The following ASB18 variants were observed in gnomAD, a reference collection of about 807,000 sequenced individuals.
ASB18 encodes the protein ankyrin repeat and SOCS box protein 18.
A neutral mutation model predicts 33.4 loss-of-function variants in ASB18; 33 were observed. The ratio of observed to expected loss-of-function variants is 0.99; its 90% CI spans 0.75 to 1.32. The LOEUF (loss-of-function observed/expected upper bound fraction) is 1.32. Among genes scored for constraint, ASB18 ranks in the 40% most tolerant of loss-of-function variants. The probability of loss-of-function intolerance (pLI) is 0.00; values close to 1 mark genes in which losing one functional copy is unlikely to be tolerated. For synonymous variants in ASB18, 295 were observed against 307.6 expected, an observed-to-expected ratio of 0.96 and a Z score of 0.43; for missense variants, 694 against 655.5, an observed-to-expected ratio of 1.06 and a Z score of -0.64.
rs1016785990 is a variant in ASB18, at chr2:236,264,406, C to T, written c.-61G>A. ...TCTTCCTCTAAAGCGACTCCAAAGT[C>T]AGCAGCTGTCCGTGAGAGTGGCGTG... On this transcript the variant is annotated 5_prime_UTR_variant, in exon 1 of 6. Coordinates refer to ENST00000409749, the MANE Select transcript of ASB18 (RefSeq NM_212556.4). The surrounding 1 kb of genome is among the most constrained non-coding windows in gnomAD (Gnocchi z 5.1). 6.8e-6 allele frequency: 10 copies of T among 1,465,984 alleles called. No homozygotes were observed. The African/African-American group carries it at 6.9e-5, about 10-fold the overall frequency. 90.8% of individuals were successfully genotyped at this position (1,465,984 alleles called of 1,614,324 possible). A position where few individuals can be genotyped will look rare whatever the true frequency, so the allele number is the denominator to read the frequency against.
rs796822844 is a variant in ASB18 at position 236,262,986 on chromosome 2, G to A, written c.205+1155C>T. 2.6e-4 allele frequency among the ~76,000 whole-genome samples: 40 copies of A among 152,284 alleles called. 1 individual carries two copies. Among genetic ancestry groups the A allele is most frequent in the African/African-American group, 9.6e-4 (40 of 41,570 alleles). ...AGCAACTCCCACTCATGTCCCATCT[G>A]TGTTCCTCCTGCATGTTGCGCACAC... is the stretch of plus-strand genomic sequence containing the variant. On this transcript the variant is annotated intron_variant, in intron 1 of 5. Transcript: ENST00000409749. This position sits in a 1 kb window ranked among gnomAD's most constrained non-coding sequence, Gnocchi z 5.2.
In ASB18 at chr2:236,214,020, C is replaced by T. The variant is rs76157420; in HGVS notation, c.1101+342G>A. On this transcript the variant is annotated intron_variant, in intron 4 of 5. Transcript: ENST00000409749. This position sits in a 1 kb window ranked among gnomAD's most constrained non-coding sequence, Gnocchi z 6.5. ...ATATTTTGAGCTCTGACTGCATCAT[C>T]GAAATAAGTGCCTGGCGTCCGTCCC... 2.6e-4 allele frequency: 66 copies of T among 258,108 alleles called. No individual in the cohort carries two copies. The East Asian group carries it at 4.0e-3, about 16-fold the overall frequency. The allele number at this position is 258,108 out of a possible 1,614,324, so 16.0% of individuals were successfully genotyped here.
chr2:236,257,975 A>G lies in ASB18; in HGVS notation c.205+6166T>C, dbSNP rs529075177. The stretch of plus-strand genomic sequence containing the variant: ...ACAGCAGGGACTTGCGGCATTGCCA[A>G]TTCCTCCTTCTTTGCCTCCGTGTAG... On this transcript the variant is annotated intron_variant, in intron 1 of 5. Transcript: ENST00000409749. This position sits in a 1 kb window ranked among gnomAD's most constrained non-coding sequence, Gnocchi z 5.5. 3.9e-5 allele frequency among the ~76,000 whole-genome samples: 6 copies of G among 152,278 alleles called. No individual in the cohort carries two copies. The highest frequency in any genetic ancestry group is 2.1e-4 in the South Asian group (1 of 4,818).
At position 236,233,607 on chromosome 2, in the gene ASB18, A is replaced by C. The variant is rs796489102; in HGVS notation, c.596+4082T>G. 2.8e-4 allele frequency among the ~76,000 whole-genome samples: 42 copies of C among 152,306 alleles called. 1 individual carries two copies. The highest frequency in any genetic ancestry group is 9.6e-4 in the African/African-American group (40 of 41,586). ...CAATATACAAAAATAAATTATTATA[A>C]ATTTCATATAGTAGTTACACACAAT... On this transcript the variant is annotated intron_variant, in intron 3 of 5. Transcript: ENST00000409749.
At chr2:236,201,136 CTCCT>C (rs950936523) in intron 4 of ASB18, among the ~76,000 whole-genome samples, 25 of 150,048 alleles carry the variant, frequency 1.7e-4, no homozygotes, top group Admixed American at 4.0e-4. Flanking sequence ...CCTTCCTTCC[CTCCT>C]TCCTTCCTTC....
In ASB18 at chr2:236,193,935, G is replaced by A. The variant is rs768410175; in HGVS notation, c.*937C>T. On this transcript the variant is annotated 3_prime_UTR_variant, in exon 6 of 6. Transcript: ENST00000409749. This position sits in a 1 kb window ranked among gnomAD's most constrained non-coding sequence, Gnocchi z 5.0. ...TTGTCCCAGTGTTGTGTGTGGGTGG[G>A]TGGGTGTGGGGGTGTGTGAGCACCC... Among the ~76,000 whole-genome samples the A allele has an allele frequency of 1.3e-5, 2 of 152,100 alleles. No individual in the cohort carries two copies. The highest frequency in any genetic ancestry group is 2.9e-5 in the Non-Finnish European group (2 of 68,018).
In ASB18 at chr2:236,245,225, T is replaced by C. The variant is rs1168202738; in HGVS notation, c.206-3823A>G. 6.6e-6 allele frequency among the ~76,000 whole-genome samples: 1 copy of C among 152,242 alleles called. No individual in the cohort carries two copies. Among genetic ancestry groups the C allele is most frequent in the African/African-American group, 2.4e-5 (1 of 41,466 alleles). ...AGAAGGGCCCATTGGGCTTAGCTCTTGTGGGGTCAGGGCTAGCTGCCCTTG... is the reference window on the plus strand; with the variant it reads ...AGAAGGGCCCATTGGGCTTAGCTCTCGTGGGGTCAGGGCTAGCTGCCCTTG... On this transcript the variant is annotated intron_variant, in intron 1 of 5. Transcript: ENST00000409749. This position sits in a 1 kb window ranked among gnomAD's most constrained non-coding sequence, Gnocchi z 4.7.
At position 236,215,105 on chromosome 2, in the gene ASB18, TG is replaced by T. The variant is rs1412088133; in HGVS notation, c.597-240del. Among the ~76,000 whole-genome samples, 1 of 151,806 alleles carries T rather than the reference TG, an allele frequency of 6.6e-6. No individual in the cohort carries two copies. Among genetic ancestry groups the T allele is most frequent in the African/African-American group, 2.4e-5 (1 of 41,294 alleles). On this transcript the variant is annotated intron_variant, in intron 3 of 5. Coordinates refer to ENST00000409749, the MANE Select transcript of ASB18 (RefSeq NM_212556.4). This position sits in a 1 kb window ranked among gnomAD's most constrained non-coding sequence, Gnocchi z 7.2. ...AAAGGATATGCCATAAGAATCCACG[TG>T]CAGAGTTACAATTTATAAGGAAATT... is the stretch of plus-strand genomic sequence containing the variant.
Position 236,235,228 on chromosome 2 carries a change from A to T in ASB18, c.596+2461T>A, listed in dbSNP as rs2060582748. Among the ~76,000 whole-genome samples the T allele has an allele frequency of 6.6e-6, 1 of 152,240 alleles. No homozygotes were observed. The highest frequency in any genetic ancestry group is 2.4e-5 in the African/African-American group (1 of 41,462). ...ACATATACAATAGTGGTCCCATAAG[A>T]TTATACTGTACGTTTTCTATGTTTA... On this transcript the variant is annotated intron_variant, in intron 3 of 5. Coordinates refer to ENST00000409749, the MANE Select transcript of ASB18 (RefSeq NM_212556.4). This position sits in a 1 kb window ranked among gnomAD's most constrained non-coding sequence, Gnocchi z 6.2.
rs535234555 is a variant in ASB18 at position 236,220,798 on chromosome 2, C to T, written c.597-5932G>A. ...TCTCTGAGGCAGGTTCTGTTCTAGGCGTTTTCCACAAGTTATGAGTGACCT... is the reference window on the plus strand; with the variant it reads ...TCTCTGAGGCAGGTTCTGTTCTAGGTGTTTTCCACAAGTTATGAGTGACCT... On this transcript the variant is annotated intron_variant, in intron 3 of 5. Coordinates refer to ENST00000409749, the MANE Select transcript of ASB18 (RefSeq NM_212556.4). This position sits in a 1 kb window ranked among gnomAD's most constrained non-coding sequence, Gnocchi z 5.1. 2.6e-5 allele frequency among the ~76,000 whole-genome samples: 4 copies of T among 152,230 alleles called. No homozygotes were observed. Among genetic ancestry groups the T allele is most frequent in the African/African-American group, 7.2e-5 (3 of 41,536 alleles).
Position 236,214,557 on chromosome 2 carries a change from G to A in ASB18, c.906C>T (p.Gly302=), listed in dbSNP as rs1559329978. Residue 302 remains glycine (G), a synonymous_variant, in exon 4 of 6, where the codon GGC becomes GGT. Transcript: ENST00000409749. The surrounding 1 kb of genome is among the most constrained non-coding windows in gnomAD (Gnocchi z 6.5). ...DERSPLHKAC[G]HASHSLARLL... The stretch of plus-strand genomic sequence containing the variant: ...GGCGCGCCAGGCTGTGGCTCGCGTG[G>A]CCGCAGGCTTTGTGCAGCGGGCTGC... The A allele has an allele frequency of 7.2e-6, 10 of 1,393,108 alleles. No homozygotes were observed. Among genetic ancestry groups the A allele is most frequent in the Non-Finnish European group, 9.2e-6 (10 of 1,086,454 alleles). The allele number at this position is 1,393,108 out of a possible 1,614,324, so 86.3% of individuals were successfully genotyped here. A position where few individuals can be genotyped will look rare whatever the true frequency, so the allele number is the denominator to read the frequency against.
rs1175853738 is a variant in ASB18 at position 236,214,356 on chromosome 2, C to T, written c.1101+6G>A. On this transcript the variant is annotated splice_donor_region_variant and intron_variant, in intron 4 of 5. Coordinates refer to ENST00000409749, the MANE Select transcript of ASB18 (RefSeq NM_212556.4). This position sits in a 1 kb window ranked among gnomAD's most constrained non-coding sequence, Gnocchi z 6.5. ...CACGTGCCAGCCGGGCTGGATCCTGCCTTACCTTGGGGAAGGCGTCGGGCC... is the reference window on the plus strand; with the variant it reads ...CACGTGCCAGCCGGGCTGGATCCTGTCTTACCTTGGGGAAGGCGTCGGGCC... 6 of 1,570,700 alleles carry T rather than the reference C, an allele frequency of 3.8e-6. No individual in the cohort carries two copies. Among genetic ancestry groups the T allele is most frequent in the Non-Finnish European group, 5.2e-6 (6 of 1,161,994 alleles).
Position 236,217,755 on chromosome 2 carries a change from G to A in ASB18, c.597-2889C>T, listed in dbSNP as rs1386893496. Among the ~76,000 whole-genome samples, 3 of 152,312 alleles carry A rather than the reference G, an allele frequency of 2.0e-5. No homozygotes were observed. The highest frequency in any genetic ancestry group is 7.2e-5 in the African/African-American group (3 of 41,574). ...CGTTTCTACATCAGCAGTGTCTTGA[G>A]AAGTGGTCTGTCTTGAGTGAAAGAT... On this transcript the variant is annotated intron_variant, in intron 3 of 5. Transcript: ENST00000409749. This position sits in a 1 kb window ranked among gnomAD's most constrained non-coding sequence, Gnocchi z 5.2.
In ASB18 at chr2:236,194,235, C is replaced by T. The variant is rs2060360673; in HGVS notation, c.*637G>A. 6.6e-6 allele frequency among the ~76,000 whole-genome samples: 1 copy of T among 152,182 alleles called. No individual in the cohort carries two copies. The highest frequency in any genetic ancestry group is 2.4e-5 in the African/African-American group (1 of 41,442). On this transcript the variant is annotated 3_prime_UTR_variant, in exon 6 of 6. Coordinates refer to ENST00000409749, the MANE Select transcript of ASB18 (RefSeq NM_212556.4). The surrounding 1 kb of genome is among the most constrained non-coding windows in gnomAD (Gnocchi z 4.5). ...AACTTCGTGGTGGTAGGAGGTGCTC[C>T]TGACAAGGTTCGTTTTGCAAACATT...
rs2060700362 is a variant in ASB18, at chr2:236,257,941, C to T, written c.205+6200G>A. ...GCTCTTGGAGATGCTCTCACCTGTT[C>T]TCCAGGGAACAGCAGGGACTTGCGG... On this transcript the variant is annotated intron_variant, in intron 1 of 5. Transcript: ENST00000409749. The surrounding 1 kb of genome is among the most constrained non-coding windows in gnomAD (Gnocchi z 5.5). 6.6e-6 allele frequency among the ~76,000 whole-genome samples: 1 copy of T among 152,222 alleles called. No individual in the cohort carries two copies. Among genetic ancestry groups the T allele is most frequent in the African/African-American group, 2.4e-5 (1 of 41,452 alleles).
intron 4 of ASB18, among the ~76,000 whole-genome samples, chr2:236,210,769 G>A (rs941473246): frequency 6.6e-6 from 1 of 152,160 alleles, no homozygotes; most frequent in Admixed American, 6.5e-5. Flanking sequence ...TAAACTGAGC[G>A]GTGAATCAAG....
In ASB18 at chr2:236,220,577, ATTTATC is replaced by A. The variant is rs2060506422; in HGVS notation, c.597-5717_597-5712del. ...CCTTTTTTTTTTTTTTTAAACAACTATTTATCTTTAGTCCCTGAAACAACTTTGCAT... is the reference window on the plus strand; with the variant it reads ...CCTTTTTTTTTTTTTTTAAACAACTATTTAGTCCCTGAAACAACTTTGCAT... On this transcript the variant is annotated intron_variant, in intron 3 of 5. Coordinates refer to ENST00000409749, the MANE Select transcript of ASB18 (RefSeq NM_212556.4). The surrounding 1 kb of genome is among the most constrained non-coding windows in gnomAD (Gnocchi z 5.1). 6.9e-6 allele frequency among the ~76,000 whole-genome samples: 1 copy of A among 143,888 alleles called. No individual in the cohort carries two copies. The highest frequency in any genetic ancestry group is 2.6e-5 in the African/African-American group (1 of 38,182). 94.4% of individuals were successfully genotyped at this position (143,888 alleles called of 152,430 possible).
rs2060688404 is a variant in ASB18, at chr2:236,255,578, T to C, written c.205+8563A>G. ...AGGAGGGTGGCTGTGAGGGAATAGC[T>C]AGCAGCTGGTGGCCTCTCCTGGCAC... On this transcript the variant is annotated intron_variant, in intron 1 of 5. Coordinates refer to ENST00000409749, the MANE Select transcript of ASB18 (RefSeq NM_212556.4). The surrounding 1 kb of genome is among the most constrained non-coding windows in gnomAD (Gnocchi z 4.4). Among the ~76,000 whole-genome samples the C allele has an allele frequency of 6.6e-6, 1 of 152,230 alleles. No individual in the cohort carries two copies. The highest frequency in any genetic ancestry group is 1.5e-5 in the Non-Finnish European group (1 of 68,038).
intron 3 of ASB18, among the ~76,000 whole-genome samples, chr2:236,233,503 AGAC>A (rs1252246695): frequency 6.6e-6 from 1 of 152,174 alleles, no homozygotes; most frequent in Non-Finnish European, 1.5e-5. Context: ...ATTTATTTGT[AGAC>A]GACATGATTG....
Sources: gnomAD v4.1 joint callset for allele counts (sites outside exome capture counted in the v4.1 genomes callset) on GRCh38, gnomAD v4.1.1 for gene constraint, Gnocchi (gnomAD v3.1) non-coding constraint, MANE v1.5 for transcripts, NCBI Gene and HGNC (gene_info 2026-07-23, HGNC 2026-07-21) for gene names.